The following CSNK2A1 variants were observed in gnomAD, a reference collection of about 807,000 sequenced individuals.
CSNK2A1 encodes casein kinase 2 alpha 1, also known as casein kinase II subunit alpha.
CSNK2A1 carries 10 observed loss-of-function variants against 62.9 expected under a neutral mutation model. The observed-to-expected ratio is 0.16, with a 90% CI of 0.10 to 0.27. CSNK2A1 has a LOEUF of 0.27. CSNK2A1 is among the 10% of genes least tolerant of loss of function. The probability of loss-of-function intolerance (pLI) is 1.00; values close to 1 mark genes in which losing one functional copy is unlikely to be tolerated. For synonymous variants in CSNK2A1, 124 were observed against 167.8 expected (o/e 0.74, Z 2.02); for missense variants, 160 against 492.0 (o/e 0.33, Z 6.38).
At chr20:521,490 G>A (rs1214163971) in intron 2 of CSNK2A1, among the ~76,000 whole-genome samples, 4 of 152,194 alleles carry the variant, frequency 2.6e-5, no homozygotes, top group Non-Finnish European at 5.9e-5. Context: ...TTGGAAAACA[G>A]TTTGGCAGTT....
At chr20:517,776 C>T (rs1325123967) in intron 2 of CSNK2A1, among the ~76,000 whole-genome samples, 1 of 151,608 alleles carries the variant, frequency 6.6e-6, no homozygotes, top group African/African-American at 2.4e-5. Flanking sequence ...CTATAAGAAA[C>T]ACATCATTGG....
At chr20:500,313 A>G (rs1230982651) in intron 4 of CSNK2A1, 1 of 200,736 alleles carries the variant, frequency 5.0e-6, no homozygotes, top group African/African-American at 2.4e-5. Flanking sequence ...ATCAATTAGG[A>G]TGAAACATGG....
intron 1 of CSNK2A1, among the ~76,000 whole-genome samples, chr20:531,772 A>G (rs2019218272): frequency 6.6e-6 from 1 of 152,244 alleles, no homozygotes; most frequent in African/African-American, 2.4e-5. Flanking sequence ...AATGTATCCT[A>G]GGCTTCAGAG....
chr20:494,007 G>A (rs941086798), intron 8 of CSNK2A1: 2 of 149,988 alleles, frequency 1.3e-5, no homozygotes, highest in African/African-American at 4.9e-5. Context: ...TTCCCTCATT[G>A]AAGGGCACTT....
intron 3 of CSNK2A1, 125 bp from the exon 4 acceptor site, chr20:505,354 T>TG: frequency 2.5e-6 from 1 of 397,478 alleles, no homozygotes; most frequent in Non-Finnish European, 4.0e-6. Flanking sequence ...CAAATAGGTT[T>TG]TTTTTTTTTT....
At chr20:495,499 T>C (rs1790473732) in intron 8 of CSNK2A1, 2 of 469,584 alleles carry the variant, frequency 4.3e-6, no homozygotes, top group African/African-American at 2.0e-5. Context: ...AAGATGAACA[T>C]TTTGCCCACT....
chr20:533,790 A>T (rs1269435606), intron 1 of CSNK2A1, among the ~76,000 whole-genome samples: 2 of 152,212 alleles, frequency 1.3e-5, no homozygotes, highest in Non-Finnish European at 2.9e-5. Context: ...TGACATAGCA[A>T]CAGTGTGAGG....
Position 478,034 on chromosome 20 carries a change from A to G in CSNK2A1, c.*5927T>C, listed in dbSNP as rs1438373320. 6.6e-6 allele frequency: 1 copy of G among 151,776 alleles called. No individual in the cohort carries two copies. The highest frequency in any genetic ancestry group is 1.5e-5 in the Non-Finnish European group (1 of 67,976). 9.4% of individuals were successfully genotyped at this position (151,776 alleles called of 1,614,324 possible). On this transcript the variant is annotated 3_prime_UTR_variant, in exon 14 of 14. Transcript: ENST00000217244. ...TTTCCTAGGATTTTTTTTTTAAAACAGTTGGAATTATCCCATATACACAAT... is the reference window on the plus strand; with the variant it reads ...TTTCCTAGGATTTTTTTTTTAAAACGGTTGGAATTATCCCATATACACAAT...
intron 2 of CSNK2A1, among the ~76,000 whole-genome samples, chr20:516,328 T>A (rs1178305633): frequency 6.6e-6 from 1 of 152,210 alleles, no homozygotes; most frequent in Non-Finnish European, 1.5e-5. Flanking sequence ...CTAGGTCTTG[T>A]ATGCTCAACG....
At chr20:536,899 T>C (rs982819160) in intron 1 of CSNK2A1, among the ~76,000 whole-genome samples, 2 of 152,112 alleles carry the variant, frequency 1.3e-5, no homozygotes, top group Non-Finnish European at 2.9e-5. Context: ...TTCTGAGTGG[T>C]TATGAATTCA....
chr20:485,066 CAAAAAAAAAAAAAAAAAAAAAAAAA>C (rs1157352244), intron 13 of CSNK2A1, among the ~76,000 whole-genome samples: 1,125 of 21,894 alleles, frequency 0.051, 40 homozygotes, highest in Middle Eastern at 0.17. Flanking sequence ...ACCTTGTCTC[CAAAAAAAAAAAAAAAAAAAAAAAAA>C]AAAAAAAAAA....
At chr20:503,436 A>G (rs898864447) in intron 4 of CSNK2A1, 7 of 396,166 alleles carry the variant, frequency 1.8e-5, no homozygotes, top group Non-Finnish European at 3.1e-5. Context: ...ATAAATACTT[A>G]AACTCTCTGG....
rs458502 is a variant in CSNK2A1 at position 479,076 on chromosome 20, T to C, written c.*4885A>G. The C allele has an allele frequency of 0.3, 45,347 of 152,248 alleles. 7,456 individuals carry two copies. Among genetic ancestry groups the C allele is most frequent in the East Asian group, 0.68 (3,509 of 5,174 alleles). 9.4% of individuals were successfully genotyped at this position (152,248 alleles called of 1,614,324 possible). ...CCTTCATTCAATCAGAAACTTGACT[T>C]GTACCCGTTGAAAACCTGTCATGTT... On this transcript the variant is annotated 3_prime_UTR_variant, in exon 14 of 14. Coordinates refer to ENST00000217244, the MANE Select transcript of CSNK2A1 (RefSeq NM_177559.3).
At chr20:542,490 G>A (rs1246673473) in intron 1 of CSNK2A1, among the ~76,000 whole-genome samples, 1 of 152,196 alleles carries the variant, frequency 6.6e-6, no homozygotes. Context: ...CTGGAGTGCA[G>A]TGGCGGATCT....
chr20:508,601 A>G lies in CSNK2A1; in HGVS notation c.-50T>C, dbSNP rs2122571293. The G allele has an allele frequency of 6.4e-7, 1 of 1,568,116 alleles. No individual in the cohort carries two copies. Among genetic ancestry groups the G allele is most frequent in the Non-Finnish European group, 8.8e-7 (1 of 1,142,654 alleles). On this transcript the variant is annotated 5_prime_UTR_variant, in exon 3 of 14. Coordinates refer to ENST00000217244, the MANE Select transcript of CSNK2A1 (RefSeq NM_177559.3). ...TGGACTTGATGTTTGGAGATCTGGCAGTCACTGTGTTCAGAAGCAGCTGGG... is the reference window on the plus strand; with the variant it reads ...TGGACTTGATGTTTGGAGATCTGGCGGTCACTGTGTTCAGAAGCAGCTGGG...
intron 3 of CSNK2A1, chr20:508,120 CTTATAA>C: frequency 5.2e-6 from 1 of 192,070 alleles, no homozygotes; most frequent in Non-Finnish European, 1.1e-5. Flanking sequence ...TTTCAGCTCT[CTTATAA>C]TCTTATGGAA....
At position 493,744 on chromosome 20, in the gene CSNK2A1, G is replaced by C. The variant is rs541543282; in HGVS notation, c.511-1380C>G. On this transcript the variant is annotated intron_variant, in intron 8 of 13. Transcript: ENST00000217244. ...AATCTCCTCAACAAGATATAGAACTGTTCCATCACCACACACATGTCCTGT... is the reference window on the plus strand; with the variant it reads ...AATCTCCTCAACAAGATATAGAACTCTTCCATCACCACACACATGTCCTGT... 5.3e-5 allele frequency among the ~76,000 whole-genome samples: 8 copies of C among 152,310 alleles called. No individual in the cohort carries two copies. The East Asian group carries it at 1.5e-3, about 29-fold the overall frequency.
intron 1 of CSNK2A1, among the ~76,000 whole-genome samples, chr20:535,833 A>G (rs2019307735): frequency 6.6e-6 from 1 of 152,168 alleles, no homozygotes; most frequent in Admixed American, 6.5e-5. Flanking sequence ...GCAAACAAGA[A>G]AGCAAGTTAG....
At position 480,951 on chromosome 20, in the gene CSNK2A1, T is replaced by C. The variant is rs993394544; in HGVS notation, c.*3010A>G. ...CCCTGAGGATCTACTTTACAAGATA[T>C]ATTCCTCTGACAGTCCCACTCTAAC... is the stretch of plus-strand genomic sequence containing the variant. On this transcript the variant is annotated 3_prime_UTR_variant, in exon 14 of 14. Transcript: ENST00000217244. 2.6e-5 allele frequency: 4 copies of C among 152,244 alleles called. No homozygotes were observed. Among genetic ancestry groups the C allele is most frequent in the African/African-American group, 7.2e-5 (3 of 41,460 alleles). The allele number at this position is 152,244 out of a possible 1,614,324, so 9.4% of individuals were successfully genotyped here. A position where few individuals can be genotyped will look rare whatever the true frequency, so the allele number is the denominator to read the frequency against.
Sources: gnomAD v4.1 joint callset for allele counts (sites outside exome capture counted in the v4.1 genomes callset) on GRCh38, gnomAD v4.1.1 for gene constraint, MANE v1.5 for transcripts, NCBI Gene and HGNC (gene_info 2026-07-23, HGNC 2026-07-21) for gene names.